RIBC2: variants seen among roughly 807,000 people sequenced by gnomAD.
RIBC2 encodes RIB43A-like with coiled-coils protein 2.
RIBC2 carries 40 observed loss-of-function variants against 44.3 expected under a neutral mutation model. The ratio of observed to expected loss-of-function variants is 0.90; its 90% confidence interval spans 0.70 to 1.18. The LOEUF (loss-of-function observed/expected upper bound fraction) is 1.18, where lower values mean the gene tolerates loss of function less well. Among genes scored for constraint, RIBC2 ranks in the 50% most tolerant of loss-of-function variants. The pLI, the probability that RIBC2 is intolerant of heterozygous loss-of-function variation, is 0.00. For synonymous variants in RIBC2, 171 were observed against 175.0 expected (o/e 0.98, Z 0.18); for missense variants, 459 against 485.5 (o/e 0.95, Z 0.51).
intron 2 of RIBC2, among the ~76,000 whole-genome samples, chr22:45,416,286 G>A (rs1423555838): frequency 6.8e-6 from 1 of 147,362 alleles, no homozygotes; most frequent in Non-Finnish European, 1.5e-5. Flanking sequence ...CAGTTGTTTT[G>A]TCATTGTGGA....
In RIBC2 at chr22:45,417,589, GTA is replaced by G; in HGVS notation, c.212-11_212-10del. ...TGAATCCTAAGCTTATGGATATGCT[GTA>G]TCTCTTCCAGCTGCTGAAATGAGGC... On this transcript the variant is annotated splice_polypyrimidine_tract_variant and intron_variant, in intron 2 of 6. Coordinates refer to ENST00000614167, the MANE Select transcript of RIBC2 (RefSeq NM_015653.5). 1 of 1,587,748 alleles carries G rather than the reference GTA, an allele frequency of 6.3e-7. No homozygotes were observed. Among genetic ancestry groups the G allele is most frequent in the South Asian group, 1.1e-5 (1 of 90,404 alleles).
chr22:45,414,328 A>T lies in RIBC2; in HGVS notation c.136A>T (p.Thr46Ser), dbSNP rs140376917. 1.4e-4 allele frequency: 211 copies of T among 1,550,434 alleles called. No homozygotes were observed. The African/African-American group carries it at 2.6e-3, about 19-fold the overall frequency. Residue 46 changes from threonine to serine, a missense_variant, in exon 2 of 7, where the codon ACT becomes TCT. Thr to Ser is a moderately conservative substitution (Grantham distance 58). Coordinates refer to ENST00000614167, the MANE Select transcript of RIBC2 (RefSeq NM_015653.5). ...TCTGTTTTTCCATTTATAGGGAGACACTGAAGCCTGGGATGTTCAAGTTCA... is the reference window on the plus strand; with the variant it reads ...TCTGTTTTTCCATTTATAGGGAGACTCTGAAGCCTGGGATGTTCAAGTTCA... ...NARNRIIGGD[T>S]EAWDVQVHDQ...
rs1208880446 is a variant in RIBC2 at position 45,413,750 on chromosome 22, C to G, written c.-137C>G. 2 of 1,297,116 alleles carry G rather than the reference C, an allele frequency of 1.5e-6. No individual in the cohort carries two copies. Among genetic ancestry groups the G allele is most frequent in the Admixed American group, 2.6e-5 (1 of 38,094 alleles). The allele number at this position is 1,297,116 out of a possible 1,614,324, so 80.4% of individuals were successfully genotyped here. On this transcript the variant is annotated 5_prime_UTR_variant, in exon 1 of 7. Transcript: ENST00000614167. ...TGTACCTCTGCGGCGTCACTGGGAG[C>G]CCGACGGAAAACTGCGCTAAAGGCT... is the stretch of plus-strand genomic sequence containing the variant.
intron 5 of RIBC2, 85 bp from the exon 6 acceptor site, chr22:45,430,815 A>G (rs1160969211): frequency 7.0e-6 from 10 of 1,419,804 alleles, no homozygotes; most frequent in African/African-American, 2.9e-5. Context: ...CATCTGTAGA[A>G]TGAGAGGCCA....
At chr22:45,431,187 G>A in intron 6 of RIBC2, 121 bp downstream of exon 6, 1 of 1,162,776 alleles carries the variant, frequency 8.6e-7, no homozygotes, top group East Asian at 2.6e-5. Flanking sequence ...GTCCTCATCT[G>A]GACACTGTGG....
chr22:45,413,727 TAC>T lies in RIBC2; in HGVS notation c.-159_-158del. The T allele has an allele frequency of 8.5e-7, 1 of 1,179,556 alleles. No individual in the cohort carries two copies. The highest frequency in any genetic ancestry group is 1.2e-6 in the Non-Finnish European group (1 of 839,476). The allele number at this position is 1,179,556 out of a possible 1,614,324, so 73.1% of individuals were successfully genotyped here. On this transcript the variant is annotated 5_prime_UTR_variant, in exon 1 of 7. Coordinates refer to ENST00000614167, the MANE Select transcript of RIBC2 (RefSeq NM_015653.5). ...ATTTCCGAGAGAGCGGGAGCGTCTGTACCTCTGCGGCGTCACTGGGAGCCCGA... is the reference window on the plus strand; with the variant it reads ...ATTTCCGAGAGAGCGGGAGCGTCTGTCTCTGCGGCGTCACTGGGAGCCCGA...
At chr22:45,421,864 G>T (rs1178699842) in intron 3 of RIBC2, among the ~76,000 whole-genome samples, 1 of 151,762 alleles carries the variant, frequency 6.6e-6, no homozygotes, top group Non-Finnish European at 1.5e-5. Flanking sequence ...CTGTCATCTG[G>T]CCCCACTTCC....
At chr22:45,419,910 C>T (rs1306911928) in intron 3 of RIBC2, among the ~76,000 whole-genome samples, 1 of 152,122 alleles carries the variant, frequency 6.6e-6, no homozygotes, top group Non-Finnish European at 1.5e-5. Flanking sequence ...CCTGTAGTCC[C>T]AGCTACTCGG....
intron 5 of RIBC2, among the ~76,000 whole-genome samples, chr22:45,427,974 C>T (rs2087548687): frequency 6.6e-6 from 1 of 152,210 alleles, no homozygotes; most frequent in African/African-American, 2.4e-5. Context: ...AGTCCTGCTC[C>T]CACCTCCCCA....
chr22:45,426,219 C>G lies in RIBC2; in HGVS notation c.903+44C>G, dbSNP rs757207524. 21 of 1,534,994 alleles carry G rather than the reference C, an allele frequency of 1.4e-5. No homozygotes were observed. The Admixed American group carries it at 3.1e-4, about 22-fold the overall frequency. ...TTTCCAGAGCCCATAGAGCCAGGCT[C>G]TTTGCTCCCACTGCCTTCCAGGCAC... On this transcript the variant is annotated intron_variant, in intron 5 of 6. Coordinates refer to ENST00000614167, the MANE Select transcript of RIBC2 (RefSeq NM_015653.5).
At chr22:45,415,946 C>T (rs1179970146) in intron 2 of RIBC2, among the ~76,000 whole-genome samples, 6 of 152,174 alleles carry the variant, frequency 3.9e-5, no homozygotes, top group South Asian at 2.1e-4. Context: ...GTGATCTTCC[C>T]GCCTCTGCCT....
chr22:45,428,042 G>A (rs948371141), intron 5 of RIBC2, among the ~76,000 whole-genome samples: 9 of 152,226 alleles, frequency 5.9e-5, no homozygotes, highest in South Asian at 4.1e-4. Context: ...AGAAGGGGCC[G>A]CCAGGGAGGT....
At chr22:45,416,975 C>T (rs1445478841) in intron 2 of RIBC2, among the ~76,000 whole-genome samples, 9 of 147,282 alleles carry the variant, frequency 6.1e-5, no homozygotes, top group Admixed American at 2.1e-4. Context: ...GATCTTGGCT[C>T]GTAGCAACCT....
intron 6 of RIBC2, among the ~76,000 whole-genome samples, chr22:45,431,905 G>A (rs898307917): frequency 2.6e-5 from 4 of 152,224 alleles, no homozygotes; most frequent in Admixed American, 2.6e-4. Flanking sequence ...CCCAGGGGCT[G>A]GAGGCTGCAG....
chr22:45,426,789 C>A (rs2087538532), intron 5 of RIBC2, among the ~76,000 whole-genome samples: 1 of 152,148 alleles, frequency 6.6e-6, no homozygotes, highest in Non-Finnish European at 1.5e-5. Flanking sequence ...CCAGGAAGGC[C>A]TTTGCAGTGT....
chr22:45,418,902 C>CT (rs1476111315), intron 3 of RIBC2, among the ~76,000 whole-genome samples: 1 of 152,172 alleles, frequency 6.6e-6, no homozygotes, highest in East Asian at 1.9e-4. Context: ...CACCAGTGAC[C>CT]TCCATGTCGC....
At chr22:45,415,718 G>C (rs1374339253) in intron 2 of RIBC2, among the ~76,000 whole-genome samples, 1 of 150,452 alleles carries the variant, frequency 6.6e-6, no homozygotes, top group Non-Finnish European at 1.5e-5. Flanking sequence ...ATTTTCTTTT[G>C]AGATGGAGTC....
chr22:45,419,306 T>C (rs1423322503), intron 3 of RIBC2, among the ~76,000 whole-genome samples: 1 of 151,964 alleles, frequency 6.6e-6, no homozygotes, highest in Non-Finnish European at 1.5e-5. Flanking sequence ...GACCTGACCT[T>C]CTACCCACAT....
In RIBC2 at chr22:45,417,805, A is replaced by G; in HGVS notation, c.415A>G (p.Thr139Ala). The change falls in exon 3 of 7, where the codon ACG becomes GCG. Residue 139 changes from threonine to alanine, a missense_variant. Thr to Ala is a moderately conservative substitution (Grantham distance 58). Coordinates refer to ENST00000614167, the MANE Select transcript of RIBC2 (RefSeq NM_015653.5). ...GCAGTCAGATAATGATGTTCGGAAT[A>G]CGATATCAGGAATGCAGAAATTCAT... ...ARQSDNDVRN[T>A]ISGMQKFMGE... The G allele has an allele frequency of 5.0e-6, 8 of 1,614,180 alleles. No homozygotes were observed. The highest frequency in any genetic ancestry group is 6.8e-6 in the Non-Finnish European group (8 of 1,180,024).
Sources: gnomAD v4.1 joint callset for allele counts (sites outside exome capture counted in the v4.1 genomes callset) on GRCh38, gnomAD v4.1.1 for gene constraint, MANE v1.5 for transcripts, NCBI Gene and HGNC (gene_info 2026-07-23, HGNC 2026-07-21) for gene names.